The following ABCG2 variants were observed in gnomAD, a reference collection of about 807,000 sequenced individuals.
ABCG2 encodes broad substrate specificity ATP-binding cassette transporter ABCG2.
A neutral mutation model predicts 73.5 loss-of-function variants in ABCG2; 80 were observed. The ratio of observed to expected loss-of-function variants is 1.09; its 90% CI spans 0.91 to 1.31. ABCG2 has a LOEUF of 1.31. Ranked by LOEUF, ABCG2 falls within the 50% of genes most tolerant of loss-of-function variation. The pLI, the probability that ABCG2 is intolerant of heterozygous loss-of-function variation, is 0.00. For missense variants in ABCG2, 796 were observed against 786.2 expected (o/e 1.01, Z -0.15); for synonymous variants, 269 against 282.4 (o/e 0.95, Z 0.48).
chr4:88,113,392 A>G lies in ABCG2; in HGVS notation c.1105T>C (p.Tyr369His). 6.2e-7 allele frequency: 1 copy of G among 1,614,192 alleles called. No homozygotes were observed. The highest frequency in any genetic ancestry group is 1.1e-5 in the South Asian group (1 of 91,082). Reference sequence around the variant, plus strand: ...AGTTGATGACAGAAGGAGGTGGTGTAGCTGATCTCCTTGAAGACTGTGATC... The same window carrying G: ...AGTTGATGACAGAAGGAGGTGGTGTGGCTGATCTCCTTGAAGACTGTGATC... Reference protein sequence around the residue: ...KKITVFKEISYTTSFCHQLRW... With the variant: ...KKITVFKEISHTTSFCHQLRW... Residue 369 changes from tyrosine to histidine, a missense_variant, in exon 9 of 16, where the codon TAC becomes CAC. Tyr to His is a moderately conservative substitution (Grantham distance 83). Transcript: ENST00000237612.
At chr4:88,159,402 C>T (rs1727185004), upstream of ABCG2, 8 of 348,806 alleles carry the variant, frequency 2.3e-5, no homozygotes, top group South Asian at 6.2e-5. Context: ...CTGAATCTAA[C>T]CCAAGGAAGG....
In ABCG2 at chr4:88,182,020, A is replaced by C. The variant is rs11724427; in HGVS notation, c.-19-42006T>G. ...TTAAAAAAACAAAACTCAATGATCTATTGACTGCAAGAAACACTTCACCTA... is the reference window on the plus strand; with the variant it reads ...TTAAAAAAACAAAACTCAATGATCTCTTGACTGCAAGAAACACTTCACCTA... On this transcript the variant is annotated intron_variant, in intron 1 of 15. Coordinates refer to the ABCG2 transcript ENST00000515655. 1.1e-3 allele frequency among the ~76,000 whole-genome samples: 166 copies of C among 152,102 alleles called. 2 individuals are homozygous for C. Among genetic ancestry groups the C allele is most frequent in the Admixed American group, 9.7e-3 (149 of 15,286 alleles).
At position 88,195,152 on chromosome 4, in the gene ABCG2, T is replaced by G. The variant is rs189696353; in HGVS notation, c.-20+35842A>C. Among the ~76,000 whole-genome samples the G allele has an allele frequency of 2.0e-3, 310 of 152,238 alleles. 1 individual carries two copies. Among genetic ancestry groups the G allele is most frequent in the African/African-American group, 7.1e-3 (293 of 41,528 alleles). On this transcript the variant is annotated intron_variant, in intron 1 of 15. Coordinates refer to the ABCG2 transcript ENST00000515655. ...AGGAGGCTAAGGTGGGAGGATCGCT[T>G]GAGGCCAGGAGTTCAAGGCTGCAGT... is the stretch of plus-strand genomic sequence containing the variant.
intron 1 of ABCG2, among the ~76,000 whole-genome samples, chr4:88,223,110 G>A (rs1238618161): frequency 1.3e-5 from 2 of 152,228 alleles, no homozygotes; most frequent in Non-Finnish European, 2.9e-5. Flanking sequence ...TATATAGGAA[G>A]CAGCTAATTT....
chr4:88,211,357 T>TCCCC (rs1560460419), intron 1 of ABCG2, among the ~76,000 whole-genome samples: 7 of 18,884 alleles, frequency 3.7e-4, no homozygotes, highest in Non-Finnish European at 4.7e-4. Flanking sequence ...GTTCAACCCC[T>TCCCC]GCCCCACCCC....
chr4:88,125,316 T>C (rs1377701209), intron 5 of ABCG2, among the ~76,000 whole-genome samples: 1 of 109,678 alleles, frequency 9.1e-6, no homozygotes, highest in African/African-American at 3.5e-5. Context: ...CACTCAAAAC[T>C]GCACAACTAT....
rs1212559694 is a variant in ABCG2, at chr4:88,092,123, C to CAACA, written c.*107_*110dup. The CAACA allele has an allele frequency of 7.8e-5, 75 of 966,054 alleles. 1 individual carries two copies. The African/African-American group carries it at 1.1e-3, about 15-fold the overall frequency. 59.8% of individuals were successfully genotyped at this position (966,054 alleles called of 1,614,324 possible). Reference sequence around the variant, plus strand: ...TCTCTTTAAAACAATTGCTGCTGTGCAACAGTGTGATGGCAAGGGAACAGA... The same window carrying CAACA: ...TCTCTTTAAAACAATTGCTGCTGTGCAACAAACAGTGTGATGGCAAGGGAACAGA... On this transcript the variant is annotated 3_prime_UTR_variant, in exon 16 of 16. Coordinates refer to ENST00000237612, the MANE Select transcript of ABCG2 (RefSeq NM_004827.3).
At chr4:88,231,387 A>G (rs1363943426), upstream of ABCG2, 2 of 152,170 alleles carry the variant, frequency 1.3e-5, no homozygotes, top group African/African-American at 4.8e-5. Context: ...CAAAAGACCT[A>G]ATGGTTCCAG....
upstream of ABCG2, chr4:88,159,327 G>C (rs1477177626): frequency 4.9e-6 from 2 of 408,310 alleles, no homozygotes; most frequent in East Asian, 1.6e-4. Flanking sequence ...TAAATGGGTG[G>C]TTTCTGGTGA....
chr4:88,198,253 A>G (rs1729016403), intron 1 of ABCG2, among the ~76,000 whole-genome samples: 1 of 151,936 alleles, frequency 6.6e-6, no homozygotes, highest in South Asian at 2.1e-4. Flanking sequence ...GAATAGCTTG[A>G]ACCCAGGAGG....
intron 2 of ABCG2, 21 bp from the exon 3 acceptor site, chr4:88,132,656 T>G: frequency 6.2e-7 from 1 of 1,613,570 alleles, no homozygotes; most frequent in Non-Finnish European, 8.5e-7. Context: ...AAAAACAGAC[T>G]GATTTACTAT....
chr4:88,131,977 G>T, intron 3 of ABCG2, 60 bp from the exon 4 acceptor site: 2 of 1,316,432 alleles, frequency 1.5e-6, no homozygotes, highest in Admixed American at 3.9e-5. Flanking sequence ...ATATGTTGTG[G>T]GGTTTTTTTC....
At chr4:88,212,919 G>A (rs555866951) in intron 1 of ABCG2, among the ~76,000 whole-genome samples, 30 of 152,130 alleles carry the variant, frequency 2.0e-4, no homozygotes, top group South Asian at 4.2e-4. Context: ...TTTTTTTTGA[G>A]ACAGGGTTTT....
intron 8 of ABCG2, among the ~76,000 whole-genome samples, chr4:88,114,111 T>C (rs548059865): frequency 2.0e-5 from 3 of 152,118 alleles, no homozygotes; most frequent in Non-Finnish European, 2.9e-5. Context: ...AAGACCAGCC[T>C]GAGCAACGAA....
At chr4:88,210,038 A>G (rs1447348678) in intron 1 of ABCG2, among the ~76,000 whole-genome samples, 1 of 152,180 alleles carries the variant, frequency 6.6e-6, no homozygotes, top group Non-Finnish European at 1.5e-5. Context: ...AAACAAAACA[A>G]AACACCCTAA....
chr4:88,202,385 TTA>T (rs1729222889), intron 1 of ABCG2, among the ~76,000 whole-genome samples: 12 of 136,818 alleles, frequency 8.8e-5, no homozygotes, highest in Admixed American at 1.5e-4. Flanking sequence ...TATGTATATT[TTA>T]ATTAGCTGGG....
chr4:88,214,233 G>A (rs1010998188), intron 1 of ABCG2, among the ~76,000 whole-genome samples: 5 of 150,570 alleles, frequency 3.3e-5, no homozygotes, highest in Admixed American at 1.3e-4. Flanking sequence ...CAGTGTACCC[G>A]CCTCAGCTTC....
intron 7 of ABCG2, among the ~76,000 whole-genome samples, chr4:88,116,020 C>T (rs1723555962): frequency 1.3e-5 from 2 of 152,136 alleles, no homozygotes; most frequent in Non-Finnish European, 2.9e-5. Context: ...CATGGCAAAA[C>T]CCCATCTCTA....
chr4:88,155,077 G>T (rs184839813), intron 1 of ABCG2, among the ~76,000 whole-genome samples: 10 of 152,166 alleles, frequency 6.6e-5, no homozygotes, highest in African/African-American at 1.7e-4. Context: ...GAGCTAGGGT[G>T]GGGGGCAGTC....
Sources: allele counts gnomAD v4.1 joint callset (sites outside exome capture counted in the v4.1 genomes callset), GRCh38; gene constraint gnomAD v4.1.1; transcripts MANE v1.5; gene names NCBI Gene and HGNC (gene_info 2026-07-23, HGNC 2026-07-21).